Variants in JAKMIP2 observed in about 807,000 individuals in gnomAD.
The protein encoded by JAKMIP2 is janus kinase and microtubule-interacting protein 2.
Under a neutral mutation model 115.0 loss-of-function variants are expected in JAKMIP2, and 25 were observed. The observed-to-expected ratio is 0.22, with a 90% CI of 0.16 to 0.30. The LOEUF is 0.30. Ranked by LOEUF, JAKMIP2 falls within the 10% of genes least tolerant of loss-of-function variation. JAKMIP2 has a pLI of 1.00. For missense variants in JAKMIP2, 642 were observed against 957.6 expected (o/e 0.67, Z 4.35); for synonymous variants, 334 against 343.6 (o/e 0.97, Z 0.31).
chr5:147,755,991 CA>C (rs1342525593), intron 1 of JAKMIP2, among the ~76,000 whole-genome samples: 2 of 151,846 alleles, frequency 1.3e-5, no homozygotes, highest in Non-Finnish European at 2.9e-5. Context: ...ATTGCTCTAA[CA>C]AAAAGAAACA....
At chr5:147,592,046 T>C (rs4705181) in intron 21 of JAKMIP2, among the ~76,000 whole-genome samples, 116,321 of 152,118 alleles carry the variant, frequency 0.76, 45,725 homozygotes, top group Non-Finnish European at 0.87. Context: ...AAGATGTTAT[T>C]TTATTTTTGA....
chr5:147,590,685 G>A lies in JAKMIP2; in HGVS notation c.*1022C>T, dbSNP rs980425523. On this transcript the variant is annotated 3_prime_UTR_variant, in exon 22 of 22. Transcript: ENST00000616793. ...AAATCATATAGCATATTCATTTGCA[G>A]GCAATTTTAAGCAGCCATTTGAAAA... is the stretch of plus-strand genomic sequence containing the variant. 4.6e-5 allele frequency: 7 copies of A among 152,094 alleles called. No individual in the cohort carries two copies. Among genetic ancestry groups the A allele is most frequent in the Admixed American group, 3.9e-4 (6 of 15,264 alleles). 9.4% of individuals were successfully genotyped at this position (152,094 alleles called of 1,614,324 possible). A position where few individuals can be genotyped will look rare whatever the true frequency, so the allele number is the denominator to read the frequency against.
At chr5:147,655,285 C>T (rs1204214930) in intron 3 of JAKMIP2, among the ~76,000 whole-genome samples, 1 of 152,136 alleles carries the variant, frequency 6.6e-6, no homozygotes, top group Non-Finnish European at 1.5e-5. Context: ...GGTACCAGCT[C>T]CTCTTCGTAC....
chr5:147,639,999 T>TA (rs1340460900), intron 9 of JAKMIP2, among the ~76,000 whole-genome samples: 1 of 152,246 alleles, frequency 6.6e-6, no homozygotes, highest in Non-Finnish European at 1.5e-5. Flanking sequence ...TAGCATTTGA[T>TA]ACATTTCTCA....
chr5:147,744,914 T>A (rs1345195204), intron 1 of JAKMIP2, among the ~76,000 whole-genome samples: 3 of 151,894 alleles, frequency 2.0e-5, no homozygotes, highest in African/African-American at 7.3e-5. Context: ...AAAAATTAGC[T>A]GGGCATGGTG....
At chr5:147,725,222 T>C (rs557917016) in intron 1 of JAKMIP2, among the ~76,000 whole-genome samples, 1 of 152,196 alleles carries the variant, frequency 6.6e-6, no homozygotes, top group South Asian at 2.1e-4. Flanking sequence ...GGATAAACTC[T>C]CGGTTCCGGG....
At chr5:147,625,477 A>T (rs1281664469) in intron 16 of JAKMIP2, among the ~76,000 whole-genome samples, 1 of 152,200 alleles carries the variant, frequency 6.6e-6, no homozygotes, top group Admixed American at 6.5e-5. Flanking sequence ...TTCCCCTTGA[A>T]ACAAATTTCT....
At chr5:147,611,053 C>G (rs1376362905) in intron 20 of JAKMIP2, among the ~76,000 whole-genome samples, 5 of 152,152 alleles carry the variant, frequency 3.3e-5, no homozygotes, top group African/African-American at 1.2e-4. Flanking sequence ...TCGGGCACCC[C>G]AGGTTGACTT....
chr5:147,742,155 A>ATATATATATATATTTTTTTTT, intron 1 of JAKMIP2, among the ~76,000 whole-genome samples: 2 of 108,884 alleles, frequency 1.8e-5, no homozygotes, highest in Non-Finnish European at 3.7e-5. Context: ...ATATATATAT[A>ATATATATATATATTTTTTTTT]TTTTTTTTAC....
intron 5 of JAKMIP2, among the ~76,000 whole-genome samples, chr5:147,645,963 T>C (rs1261176189): frequency 1.3e-5 from 2 of 152,210 alleles, no homozygotes; most frequent in African/African-American, 4.8e-5. Context: ...CTATACATTA[T>C]AGATTTTCAT....
At chr5:147,593,285 G>A (rs1282430733) in intron 21 of JAKMIP2, among the ~76,000 whole-genome samples, 1 of 152,222 alleles carries the variant, frequency 6.6e-6, no homozygotes, top group African/African-American at 2.4e-5. Flanking sequence ...ACTGGGAATA[G>A]GGCAGTGGGC....
chr5:147,630,069 A>T (rs1053112823), intron 14 of JAKMIP2, among the ~76,000 whole-genome samples: 3 of 152,154 alleles, frequency 2.0e-5, no homozygotes, highest in Non-Finnish European at 4.4e-5. Flanking sequence ...GAATATTCTC[A>T]TTAACTTTCT....
intron 20 of JAKMIP2, among the ~76,000 whole-genome samples, chr5:147,604,272 T>C (rs978888133): frequency 1.1e-4 from 16 of 152,218 alleles, no homozygotes; most frequent in Non-Finnish European, 1.6e-4. Context: ...AGAGAATGTA[T>C]ACTTTGGGTC....
At chr5:147,720,216 C>G (rs1205806524) in intron 1 of JAKMIP2, among the ~76,000 whole-genome samples, 1 of 152,230 alleles carries the variant, frequency 6.6e-6, no homozygotes, top group Non-Finnish European at 1.5e-5. Flanking sequence ...GCCGATAAAT[C>G]TGCTGTTAGT....
At position 147,759,914 on chromosome 5, in the gene JAKMIP2, G is replaced by A. The variant is rs563886756; in HGVS notation, c.-149+22542C>T. Among the ~76,000 whole-genome samples the A allele has an allele frequency of 1.8e-4, 28 of 152,182 alleles. No homozygotes were observed. The South Asian group carries it at 5.2e-3, about 28-fold the overall frequency. ...GGTTACTGAGGTAGTTCAGGCAGGG[G>A]AAGATGGCAGCCCTACATGGGAAGG... On this transcript the variant is annotated intron_variant, in intron 1 of 21. Coordinates refer to ENST00000616793, the MANE Select transcript of JAKMIP2 (RefSeq NM_001270941.2).
At chr5:147,718,574 G>A (rs1753116646) in intron 1 of JAKMIP2, among the ~76,000 whole-genome samples, 2 of 151,128 alleles carry the variant, frequency 1.3e-5, no homozygotes, top group African/African-American at 2.4e-5. Context: ...GTTTAGTCTT[G>A]GGAGAGTGTA....
At chr5:147,752,026 T>G (rs959794113) in intron 1 of JAKMIP2, among the ~76,000 whole-genome samples, 1 of 152,112 alleles carries the variant, frequency 6.6e-6, no homozygotes, top group Non-Finnish European at 1.5e-5. Flanking sequence ...ATAAGAGACT[T>G]TCTGATGATG....
intron 17 of JAKMIP2, among the ~76,000 whole-genome samples, chr5:147,621,875 T>G (rs534231000): frequency 1.9e-4 from 27 of 144,752 alleles, no homozygotes; most frequent in Admixed American, 6.8e-4. Context: ...TAAATTTCTG[T>G]TTTTTTTTTG....
intron 2 of JAKMIP2, among the ~76,000 whole-genome samples, chr5:147,662,553 G>T (rs1416474106): frequency 2.0e-5 from 3 of 151,984 alleles, no homozygotes; most frequent in Non-Finnish European, 4.4e-5. Context: ...TCTCGAAAAA[G>T]CCTCTCCGTG....
Sources: allele counts gnomAD v4.1 joint callset (sites outside exome capture counted in the v4.1 genomes callset), GRCh38; gene constraint gnomAD v4.1.1; transcripts MANE v1.5; gene names NCBI Gene and HGNC (gene_info 2026-07-23, HGNC 2026-07-21).